The following FLVCR1 variants were observed in gnomAD, a reference collection of about 807,000 sequenced individuals.
The protein encoded by FLVCR1 is FLVCR choline and heme transporter 1.
A neutral mutation model predicts 53.6 loss-of-function variants in FLVCR1; 34 were observed. That is an observed-to-expected ratio of 0.63 (90% CI 0.48 to 0.84). FLVCR1 has a LOEUF of 0.84. Among genes scored for constraint, FLVCR1 ranks in the 40% least tolerant of loss-of-function variants. FLVCR1 has a pLI of 0.00. For synonymous variants in FLVCR1, 300 were observed against 286.3 expected, an observed-to-expected ratio of 1.05 and a Z score of -0.48; for missense variants, 677 against 696.7, an observed-to-expected ratio of 0.97 and a Z score of 0.32.
intron 8 of FLVCR1, among the ~76,000 whole-genome samples, chr1:212,891,265 A>G (rs1665184378): frequency 6.7e-6 from 1 of 149,818 alleles, no homozygotes; most frequent in South Asian, 2.1e-4. Flanking sequence ...AAAAAACTTT[A>G]GCCAGTTTTA....
chr1:212,870,384 T>G (rs1231100642), intron 2 of FLVCR1, among the ~76,000 whole-genome samples: 1 of 152,208 alleles, frequency 6.6e-6, no homozygotes, highest in Non-Finnish European at 1.5e-5. Context: ...GGGTCATTTC[T>G]TACTTTCCCA....
rs1327404598 is a variant in FLVCR1 at position 212,858,403 on chromosome 1, G to A, written c.-50G>A. 1.4e-6 allele frequency: 2 copies of A among 1,411,982 alleles called. No individual in the cohort carries two copies. Among genetic ancestry groups the A allele is most frequent in the Non-Finnish European group, 1.8e-6 (2 of 1,081,264 alleles). 87.5% of individuals were successfully genotyped at this position (1,411,982 alleles called of 1,614,324 possible). A position where few individuals can be genotyped will look rare whatever the true frequency, so the allele number is the denominator to read the frequency against. ...CCTCGGGCTGTGGGCCGGGAGAGCG[G>A]AGTCGGGGAGTGGGGCGGGGGAGCG... On this transcript the variant is annotated 5_prime_UTR_variant, in exon 1 of 10. Coordinates refer to ENST00000366971, the MANE Select transcript of FLVCR1 (RefSeq NM_014053.4).
At chr1:212,874,526 C>CTTTTTT (rs61497441) in intron 3 of FLVCR1, among the ~76,000 whole-genome samples, 14 of 120,866 alleles carry the variant, frequency 1.2e-4, no homozygotes, top group African/African-American at 1.9e-4. Flanking sequence ...TTCTTTTTTT[C>CTTTTTT]TTTTTTTTTT....
chr1:212,863,055 A>G (rs570797192), intron 1 of FLVCR1, among the ~76,000 whole-genome samples: 44 of 152,358 alleles, frequency 2.9e-4, no homozygotes, highest in African/African-American at 9.9e-4. Flanking sequence ...TCTGGAAGCT[A>G]TACCCTGATC....
In FLVCR1 at chr1:212,859,096, T is replaced by G; in HGVS notation, c.644T>G (p.Val215Gly). The G allele has an allele frequency of 2.5e-6, 4 of 1,613,838 alleles. No homozygotes were observed. Among genetic ancestry groups the G allele is most frequent in the Non-Finnish European group, 2.5e-6 (3 of 1,179,976 alleles). The change falls in exon 1 of 10, where the codon GTG (valine) becomes GGG (glycine). Residue 215 changes from valine (V) to glycine (G), a missense_variant. Coordinates refer to ENST00000366971, the MANE Select transcript of FLVCR1 (RefSeq NM_014053.4). ...CAGTGCTTGTGCTCGGTGGCCCAGG[T>G]GTTCATCCTGGGCTTGCCCTCCCGC... ...LGQCLCSVAQVFILGLPSRIA... is the reference protein window; with the variant it reads ...LGQCLCSVAQGFILGLPSRIA...
chr1:212,891,828 A>G (rs1262342970), intron 8 of FLVCR1, among the ~76,000 whole-genome samples: 1 of 152,238 alleles, frequency 6.6e-6, no homozygotes, highest in Non-Finnish European at 1.5e-5. Context: ...TTTGCACCAA[A>G]CAATTAGCCA....
Position 212,897,303 on chromosome 1 carries a change from ACCAGTCTGG to A in FLVCR1, c.*2017_*2025del, listed in dbSNP as rs1348214583. ...GATCATTTGAGGCCAGGAGTTGAAGACCAGTCTGGCCAACATGGCAAAACCCCATCTCTA... is the reference window on the plus strand; with the variant it reads ...GATCATTTGAGGCCAGGAGTTGAAGACCAACATGGCAAAACCCCATCTCTA... On this transcript the variant is annotated 3_prime_UTR_variant, in exon 10 of 10. Transcript: ENST00000366971. 6.6e-6 allele frequency: 1 copy of A among 151,614 alleles called. No homozygotes were observed. The highest frequency in any genetic ancestry group is 2.5e-5 in the African/African-American group (1 of 40,772). 9.4% of individuals were successfully genotyped at this position (151,614 alleles called of 1,614,324 possible).
At chr1:212,869,900 G>A (rs556510804) in intron 2 of FLVCR1, among the ~76,000 whole-genome samples, 2 of 152,272 alleles carry the variant, frequency 1.3e-5, no homozygotes, top group Non-Finnish European at 2.9e-5. Context: ...GATTTATTTT[G>A]CCATGGTAAA....
chr1:212,893,068 G>GGT (rs1553266127), intron 8 of FLVCR1, among the ~76,000 whole-genome samples: 1 of 67,434 alleles, frequency 1.5e-5, no homozygotes, highest in Non-Finnish European at 4.5e-5. Flanking sequence ...TTTTTTTTGG[G>GGT]GGGGGGTGCC....
chr1:212,878,969 A>T (rs1206686161), intron 3 of FLVCR1, among the ~76,000 whole-genome samples: 1 of 149,912 alleles, frequency 6.7e-6, no homozygotes, highest in Non-Finnish European at 1.5e-5. Flanking sequence ...AGTCTGGGTG[A>T]CAAAGTGAGA....
intron 3 of FLVCR1, among the ~76,000 whole-genome samples, chr1:212,881,221 A>G (rs1277234904): frequency 6.6e-6 from 1 of 152,174 alleles, no homozygotes; most frequent in Non-Finnish European, 1.5e-5. Context: ...AGTAGAGACC[A>G]AAGAGTAAAA....
chr1:212,878,947 C>T, intron 3 of FLVCR1, among the ~76,000 whole-genome samples: 1 of 151,802 alleles, frequency 6.6e-6, no homozygotes, highest in East Asian at 1.9e-4. Flanking sequence ...TGTGTTTGTG[C>T]CACTGTACTG....
intron 8 of FLVCR1, among the ~76,000 whole-genome samples, chr1:212,890,031 G>A (rs776925156): frequency 6.6e-6 from 1 of 152,216 alleles, no homozygotes; most frequent in Non-Finnish European, 1.5e-5. Flanking sequence ...ATGGTAAGCA[G>A]TCAAGTGGTA....
chr1:212,887,107 G>A (rs139941057), intron 5 of FLVCR1, among the ~76,000 whole-genome samples: 131 of 152,258 alleles, frequency 8.6e-4, no homozygotes, highest in African/African-American at 3.0e-3. Context: ...GCTACCAAAA[G>A]TATCTCTAAT....
At chr1:212,881,565 C>A (rs571193663) in intron 3 of FLVCR1, among the ~76,000 whole-genome samples, 1 of 152,084 alleles carries the variant, frequency 6.6e-6, no homozygotes, top group South Asian at 2.1e-4. Flanking sequence ...TCACGAACTC[C>A]TTGGCCAGAC....
In FLVCR1 at chr1:212,896,002, G is replaced by C. The variant is rs1396565244; in HGVS notation, c.*712G>C. 1 of 152,250 alleles carries C rather than the reference G, an allele frequency of 6.6e-6. No individual in the cohort carries two copies. The highest frequency in any genetic ancestry group is 2.4e-5 in the African/African-American group (1 of 41,436). The allele number at this position is 152,250 out of a possible 1,614,324, so 9.4% of individuals were successfully genotyped here. A position where few individuals can be genotyped will look rare whatever the true frequency, so the allele number is the denominator to read the frequency against. ...GTTCTAATTAAGGAGCCTGGTTACA[G>C]GTTCATTCTGTCTTGAGTTCTTTTC... On this transcript the variant is annotated 3_prime_UTR_variant, in exon 10 of 10. Coordinates refer to ENST00000366971, the MANE Select transcript of FLVCR1 (RefSeq NM_014053.4).
intron 3 of FLVCR1, 130 bp from the exon 4 acceptor site, chr1:212,883,238 TTAA>T: frequency 3.1e-6 from 2 of 654,828 alleles, no homozygotes; most frequent in South Asian, 3.5e-5. Flanking sequence ...ATCAACTGTG[TTAA>T]GAAATGTATT....
chr1:212,887,210 TATATA>T (rs1175047862), intron 5 of FLVCR1, among the ~76,000 whole-genome samples: 4 of 152,250 alleles, frequency 2.6e-5, no homozygotes, highest in Admixed American at 6.5e-5. Flanking sequence ...ACCTACTTGA[TATATA>T]GATGAAGGGA....
intron 5 of FLVCR1, 178 bp downstream of exon 5, chr1:212,885,574 G>GTT (rs1558119146): frequency 6.7e-6 from 2 of 297,588 alleles, no homozygotes; most frequent in African/African-American, 3.9e-5. Context: ...TTTTTGAGAC[G>GTT]GAGTCTCGTT....
Sources: allele counts gnomAD v4.1 joint callset (sites outside exome capture counted in the v4.1 genomes callset), GRCh38; gene constraint gnomAD v4.1.1; transcripts MANE v1.5; gene names NCBI Gene and HGNC (gene_info 2026-07-23, HGNC 2026-07-21).